GRM8: variants seen among roughly 807,000 people sequenced by gnomAD.
GRM8 encodes metabotropic glutamate receptor 8.
In GRM8, 47 loss-of-function variants were observed where a neutral mutation model predicts 87.2. The observed-to-expected ratio is 0.54, with a 90% confidence interval of 0.43 to 0.69. The LOEUF is 0.69. GRM8 is among the 30% of genes least tolerant of loss of function. The pLI, the probability that GRM8 is intolerant of heterozygous loss-of-function variation, is 0.00. For synonymous variants in GRM8, 396 were observed against 404.5 expected (o/e 0.98, Z 0.25); for missense variants, 1,019 against 1,139.2 (o/e 0.89, Z 1.52).
At chr7:126,908,235 T>C (rs1427013378) in intron 3 of GRM8, among the ~76,000 whole-genome samples, 3 of 151,936 alleles carry the variant, frequency 2.0e-5, no homozygotes, top group South Asian at 4.2e-4. Flanking sequence ...AAATCAGCAA[T>C]AGAAAAGGTG....
chr7:126,877,169 CCT>C (rs1309922906), intron 6 of GRM8, among the ~76,000 whole-genome samples: 1 of 152,098 alleles, frequency 6.6e-6, no homozygotes, highest in Non-Finnish European at 1.5e-5. Context: ...TCCTGGCCTT[CCT>C]CTTTCTCTCT....
chr7:126,587,299 C>T (rs1252745257), intron 8 of GRM8, among the ~76,000 whole-genome samples: 2 of 152,172 alleles, frequency 1.3e-5, no homozygotes, highest in African/African-American at 4.8e-5. Flanking sequence ...ACTAGAAATA[C>T]CATTTGACCC....
intron 2 of GRM8, among the ~76,000 whole-genome samples, chr7:127,161,333 G>C (rs1369669435): frequency 1.3e-5 from 2 of 152,136 alleles, no homozygotes; most frequent in Non-Finnish European, 2.9e-5. Flanking sequence ...AAGCTGATCT[G>C]TGAGATAGGG....
rs562546063 is a variant in GRM8 at position 127,230,476 on chromosome 7, C to A, written c.510+12219G>T. Among the ~76,000 whole-genome samples, 6 of 152,266 alleles carry A rather than the reference C, an allele frequency of 3.9e-5. 1 individual carries two copies. The highest frequency in any genetic ancestry group is 1.2e-4 in the African/African-American group (5 of 41,554). On this transcript the variant is annotated intron_variant, in intron 2 of 10. Coordinates refer to ENST00000339582, the MANE Select transcript of GRM8 (RefSeq NM_000845.3). ...TCCCGGCCTCTCAGTTTGCACACTC[C>A]TATCCATTCCTTTAAGCCCAGCCCA...
chr7:126,872,292 GA>G (rs1799168653), intron 6 of GRM8, among the ~76,000 whole-genome samples: 1 of 152,060 alleles, frequency 6.6e-6, no homozygotes. Context: ...TCTTCATTCT[GA>G]AGTGCTAAGA....
chr7:126,762,338 T>C (rs527645972), intron 7 of GRM8, among the ~76,000 whole-genome samples: 1 of 152,102 alleles, frequency 6.6e-6, no homozygotes, highest in East Asian at 1.9e-4. Context: ...TTTAGTATAA[T>C]CTTTCCATTT....
intron 6 of GRM8, among the ~76,000 whole-genome samples, chr7:126,863,839 C>G: frequency 6.6e-6 from 1 of 151,694 alleles, no homozygotes; most frequent in East Asian, 1.9e-4. Context: ...TATTTGATAT[C>G]TTTATTAATA....
At chr7:126,926,163 C>A (rs959042567) in intron 3 of GRM8, among the ~76,000 whole-genome samples, 2 of 151,848 alleles carry the variant, frequency 1.3e-5, no homozygotes, top group African/African-American at 4.8e-5. Context: ...AAATGTTACC[C>A]GTATTATATT....
At chr7:126,915,074 C>T (rs1489095052) in intron 3 of GRM8, among the ~76,000 whole-genome samples, 4 of 152,194 alleles carry the variant, frequency 2.6e-5, no homozygotes, top group Non-Finnish European at 5.9e-5. Flanking sequence ...GGGTCAGCGT[C>T]CACGCTGGGC....
intron 3 of GRM8, among the ~76,000 whole-genome samples, chr7:127,009,212 C>T (rs900886733): frequency 6.6e-6 from 1 of 151,994 alleles, no homozygotes; most frequent in African/African-American, 2.4e-5. Flanking sequence ...GATTGTGTTT[C>T]AAGTATGACC....
chr7:126,595,233 T>C (rs976588020), intron 8 of GRM8, among the ~76,000 whole-genome samples: 1 of 151,822 alleles, frequency 6.6e-6, no homozygotes, highest in African/African-American at 2.4e-5. Flanking sequence ...GTTTTTGTTC[T>C]TTTTGTTTTT....
rs778763796 is a variant in GRM8 at position 126,533,048 on chromosome 7, A to G, written c.2334T>C (p.Asn778=). Residue 778 remains asparagine (N), a synonymous_variant, in exon 9 of 11, where the codon AAT becomes AAC. Coordinates refer to ENST00000339582, the MANE Select transcript of GRM8 (RefSeq NM_000845.3). ...TGGTAAATCCAATAGGTTTGGCTTC[A>G]TTGAAAGTCTCTGGGACACCTCTCG... ...IKTRGVPETF[N]EAKPIGFTMY... is the part of the protein sequence containing the mutation. The G allele has an allele frequency of 3.7e-6, 6 of 1,613,658 alleles. No individual in the cohort carries two copies. In the Admixed American group the frequency reaches 1.0e-4, roughly 27 times the overall value.
intron 7 of GRM8, among the ~76,000 whole-genome samples, chr7:126,737,919 G>A (rs1194469519): frequency 1.3e-5 from 2 of 152,060 alleles, no homozygotes; most frequent in African/African-American, 2.4e-5. Context: ...TAACACTAAC[G>A]AGGGTGATCT....
At chr7:126,779,596 G>C (rs1393353183) in intron 6 of GRM8, among the ~76,000 whole-genome samples, 2 of 151,994 alleles carry the variant, frequency 1.3e-5, no homozygotes, top group Admixed American at 1.3e-4. Flanking sequence ...GCCTCCATTT[G>C]CTAACATAGA....
At chr7:126,698,884 A>T (rs987072680) in intron 7 of GRM8, among the ~76,000 whole-genome samples, 1 of 152,196 alleles carries the variant, frequency 6.6e-6, no homozygotes, top group Non-Finnish European at 1.5e-5. Context: ...CTCTCAAGAA[A>T]TTCTCTCTAA....
intron 3 of GRM8, among the ~76,000 whole-genome samples, chr7:126,984,347 G>T (rs1033889658): frequency 6.6e-6 from 1 of 152,178 alleles, no homozygotes; most frequent in Non-Finnish European, 1.5e-5. Context: ...GTGTCTGTGA[G>T]GATGTTGCCA....
intron 7 of GRM8, among the ~76,000 whole-genome samples, chr7:126,725,417 CA>C (rs1325717505): frequency 1.3e-5 from 2 of 152,148 alleles, no homozygotes; most frequent in Admixed American, 6.5e-5. Flanking sequence ...CGAAGGTCCA[CA>C]ATCCCTATGT....
chr7:126,900,501 G>GT (rs1554524774), intron 6 of GRM8, among the ~76,000 whole-genome samples: 1 of 151,530 alleles, frequency 6.6e-6, no homozygotes, highest in Non-Finnish European at 1.5e-5. Flanking sequence ...TTTTTTGTTT[G>GT]TTTGTTTTGT....
At chr7:126,981,438 A>T (rs1444800109) in intron 3 of GRM8, 1 of 152,178 alleles carries the variant, frequency 6.6e-6, no homozygotes, top group Non-Finnish European at 1.5e-5. Context: ...AAGTTAAGAG[A>T]CCATATCTGG....
Sources: allele counts gnomAD v4.1 joint callset (sites outside exome capture counted in the v4.1 genomes callset), GRCh38; gene constraint gnomAD v4.1.1; transcripts MANE v1.5; gene names NCBI Gene and HGNC (gene_info 2026-07-23, HGNC 2026-07-21).